The following SCARA5 variants were observed in gnomAD, a reference collection of about 807,000 sequenced individuals.
SCARA5 encodes scavenger receptor class A, member 5 (putative).
A neutral mutation model predicts 46.3 loss-of-function variants in SCARA5; 45 were observed. The ratio of observed to expected loss-of-function variants is 0.97; its 90% CI spans 0.76 to 1.24. SCARA5 has a LOEUF of 1.24. SCARA5 is among the 50% of genes most tolerant of loss of function. The pLI, the probability that SCARA5 is intolerant of heterozygous loss-of-function variation, is 0.00. For synonymous variants in SCARA5, 333 were observed against 306.5 expected (o/e 1.09, Z -0.90); for missense variants, 680 against 689.0 (o/e 0.99, Z 0.15).
rs558937627 is a variant in SCARA5 at position 27,964,803 on chromosome 8, C to A, written c.241+1611G>T. 2.0e-4 allele frequency among the ~76,000 whole-genome samples: 31 copies of A among 152,218 alleles called. 1 individual carries two copies. In the South Asian group the frequency reaches 4.4e-3, roughly 21 times the overall value. On this transcript the variant is annotated intron_variant, in intron 3 of 8. Coordinates refer to ENST00000354914, the MANE Select transcript of SCARA5 (RefSeq NM_173833.6). ...GCCCCAAACCCCCCACCAGCCTGGT[C>A]CCTCTCCTCCAGACCCCCATCTGTC... is the stretch of plus-strand genomic sequence containing the variant.
At chr8:27,877,769 A>C (rs909980151) in intron 8 of SCARA5, among the ~76,000 whole-genome samples, 2 of 151,404 alleles carry the variant, frequency 1.3e-5, no homozygotes, top group African/African-American at 4.9e-5. Context: ...ATCCCTTCGA[A>C]CTCGCCCCTC....
At chr8:27,956,020 C>T (rs1323677927) in intron 3 of SCARA5, among the ~76,000 whole-genome samples, 1 of 152,184 alleles carries the variant, frequency 6.6e-6, no homozygotes, top group South Asian at 2.1e-4. Flanking sequence ...TCTGATTACA[C>T]ATTGGATTTG....
intron 1 of SCARA5, among the ~76,000 whole-genome samples, chr8:27,990,891 TCCA>T (rs1203573296): frequency 6.6e-6 from 1 of 152,242 alleles, no homozygotes; most frequent in Non-Finnish European, 1.5e-5. Context: ...TGTCACCCTC[TCCA>T]CTAACCTCTT....
At chr8:27,872,797 T>C (rs923177305) in intron 8 of SCARA5, among the ~76,000 whole-genome samples, 1 of 150,252 alleles carries the variant, frequency 6.7e-6, no homozygotes, top group Non-Finnish European at 1.5e-5. Flanking sequence ...GACTAACAAA[T>C]AAAGAACAGT....
chr8:27,947,898 T>C (rs897765398), intron 3 of SCARA5, among the ~76,000 whole-genome samples: 1 of 151,942 alleles, frequency 6.6e-6, no homozygotes, highest in Non-Finnish European at 1.5e-5. Context: ...ACAAACACTG[T>C]CTGATTCCAC....
In SCARA5 at chr8:27,966,488, G is replaced by A. The variant is rs769752157; in HGVS notation, c.167C>T (p.Ser56Leu). The A allele has an allele frequency of 1.4e-5, 23 of 1,613,720 alleles. No homozygotes were observed. Among genetic ancestry groups the A allele is most frequent in the South Asian group, 6.6e-5 (6 of 91,044 alleles). ...CCCCAGGACAGCATGCTTCAGGGCC[G>A]ACAGGGACCCCAGCTGGGTACAGCA... Reference protein sequence around the residue: ...SICCTQLGSLSALKHAVLGLY... With the variant: ...SICCTQLGSLLALKHAVLGLY... The change falls in exon 3 of 9, where the codon TCG becomes TTG. Residue 56 changes from serine (S) to leucine (L), a missense_variant. By Grantham distance (145) the Ser-to-Leu change is moderately radical (BLOSUM62 -2). Transcript: ENST00000354914.
chr8:27,873,543 TC>T (rs1806674042), intron 8 of SCARA5, among the ~76,000 whole-genome samples: 1 of 151,766 alleles, frequency 6.6e-6, no homozygotes, highest in African/African-American at 2.4e-5. Flanking sequence ...GCACCTTATG[TC>T]CCCACCCCTC....
At chr8:27,918,011 C>A (rs1022824956) in intron 4 of SCARA5, among the ~76,000 whole-genome samples, 1 of 152,128 alleles carries the variant, frequency 6.6e-6, no homozygotes, top group South Asian at 2.1e-4. Context: ...GTTGCTTTTA[C>A]GAATATTGAG....
In SCARA5 at chr8:27,921,067, C is replaced by T. The variant is rs914224115; in HGVS notation, c.916+504G>A. ...AACCAGCTGATCGTTCAATGAAATA[C>T]GTTCTTTTGCCTAAATGAGTAAGTC... On this transcript the variant is annotated intron_variant, in intron 4 of 8. Transcript: ENST00000354914. Among the ~76,000 whole-genome samples the T allele has an allele frequency of 3.3e-5, 5 of 152,304 alleles. No individual in the cohort carries two copies. The East Asian group carries it at 5.8e-4, about 18-fold the overall frequency.
chr8:27,965,993 A>T (rs187995244), intron 3 of SCARA5, among the ~76,000 whole-genome samples: 1 of 152,208 alleles, frequency 6.6e-6, no homozygotes, highest in Admixed American at 6.5e-5. Context: ...TTCTACCTAC[A>T]GTAACTGCAA....
At chr8:27,959,281 T>C (rs985825663) in intron 3 of SCARA5, among the ~76,000 whole-genome samples, 1 of 151,948 alleles carries the variant, frequency 6.6e-6, no homozygotes, top group Non-Finnish European at 1.5e-5. Flanking sequence ...TAAACTAATA[T>C]CAACATCCAT....
intron 3 of SCARA5, among the ~76,000 whole-genome samples, chr8:27,962,623 G>C (rs966623022): frequency 6.6e-6 from 1 of 152,184 alleles, no homozygotes; most frequent in Non-Finnish European, 1.5e-5. Flanking sequence ...GGACAGACCT[G>C]CTTGAAACAA....
intron 8 of SCARA5, among the ~76,000 whole-genome samples, 156 bp downstream of exon 8, chr8:27,879,413 T>TG (rs1258935582): frequency 6.6e-6 from 1 of 151,816 alleles, no homozygotes; most frequent in Non-Finnish European, 1.5e-5. Flanking sequence ...GATGGTTGCC[T>TG]GGGGCGGGGC....
chr8:27,897,871 C>A (rs934153685), intron 7 of SCARA5, among the ~76,000 whole-genome samples: 1 of 152,264 alleles, frequency 6.6e-6, no homozygotes, highest in African/African-American at 2.4e-5. Flanking sequence ...TCTTCCCAGG[C>A]TTTGGCCCTG....
chr8:27,875,728 C>T (rs1395445645), intron 8 of SCARA5, among the ~76,000 whole-genome samples: 1 of 152,150 alleles, frequency 6.6e-6, no homozygotes, highest in Non-Finnish European at 1.5e-5. Context: ...GATAAAAATC[C>T]TCTGAGGACC....
chr8:27,951,220 TCA>T (rs1490186423), intron 3 of SCARA5, among the ~76,000 whole-genome samples: 1 of 152,228 alleles, frequency 6.6e-6, no homozygotes, highest in Admixed American at 6.5e-5. Context: ...CCCAGAAAGG[TCA>T]CAGTTTAGTG....
chr8:27,928,960 A>T (rs1454015142), intron 3 of SCARA5, among the ~76,000 whole-genome samples: 2 of 152,020 alleles, frequency 1.3e-5, no homozygotes, highest in Non-Finnish European at 2.9e-5. Flanking sequence ...CCAAGAACAC[A>T]CTTTTTAATG....
chr8:27,935,388 A>G (rs1432810100), intron 3 of SCARA5, among the ~76,000 whole-genome samples: 1 of 152,136 alleles, frequency 6.6e-6, no homozygotes, highest in Non-Finnish European at 1.5e-5. Flanking sequence ...TTAGCAAGAC[A>G]AGAGAATGGG....
At chr8:27,886,686 G>A (rs1806901401) in intron 7 of SCARA5, among the ~76,000 whole-genome samples, 1 of 152,222 alleles carries the variant, frequency 6.6e-6, no homozygotes, top group African/African-American at 2.4e-5. Flanking sequence ...AGCCTGAGAA[G>A]GACGTCATCA....
Sources: allele counts gnomAD v4.1 joint callset (sites outside exome capture counted in the v4.1 genomes callset), GRCh38; gene constraint gnomAD v4.1.1; transcripts MANE v1.5; gene names NCBI Gene and HGNC (gene_info 2026-07-23, HGNC 2026-07-21).